The following PDE1C variants were observed in gnomAD, a reference collection of about 807,000 sequenced individuals.
PDE1C encodes dual specificity calcium/calmodulin-dependent 3',5'-cyclic nucleotide phosphodiesterase 1C.
A neutral mutation model predicts 93.1 loss-of-function variants in PDE1C; 62 were observed. That is an observed-to-expected ratio of 0.67 (90% CI 0.54 to 0.82). PDE1C has a LOEUF of 0.82. Ranked by LOEUF, PDE1C falls within the 40% of genes least tolerant of loss-of-function variation. The pLI, the probability that PDE1C is intolerant of heterozygous loss-of-function variation, is 0.00. For synonymous variants in PDE1C, 325 were observed against 310.1 expected (o/e 1.05, Z -0.50); for missense variants, 742 against 884.6 (o/e 0.84, Z 2.04).
At chr7:32,140,710 C>T (rs768117583) in intron 3 of PDE1C, among the ~76,000 whole-genome samples, 6 of 152,276 alleles carry the variant, frequency 3.9e-5, no homozygotes, top group Middle Eastern at 6.8e-3. Context: ...AGACAAAGCA[C>T]ACCTTTTACC....
intron 1 of PDE1C, among the ~76,000 whole-genome samples, chr7:32,218,094 C>T (rs1227098799): frequency 6.6e-6 from 1 of 152,168 alleles, no homozygotes; most frequent in Non-Finnish European, 1.5e-5. Context: ...CCATGAAATC[C>T]AGTCCCTTGT....
intron 3 of PDE1C, among the ~76,000 whole-genome samples, chr7:32,150,978 C>T (rs948483020): frequency 6.6e-6 from 1 of 152,064 alleles, no homozygotes; most frequent in African/African-American, 2.4e-5. Context: ...GACAAAGTCC[C>T]CATTCAAACC....
chr7:31,798,824 G>T (rs1353058935), intron 16 of PDE1C, among the ~76,000 whole-genome samples: 1 of 151,724 alleles, frequency 6.6e-6, no homozygotes, highest in Non-Finnish European at 1.5e-5. Flanking sequence ...AACTACAAGT[G>T]ATAACACGAA....
At chr7:31,969,258 T>A (rs1282388259) in intron 2 of PDE1C, among the ~76,000 whole-genome samples, 2 of 152,020 alleles carry the variant, frequency 1.3e-5, no homozygotes, top group African/African-American at 4.8e-5. Context: ...AAAGGGCTAA[T>A]ATCCAGAATC....
chr7:32,073,511 A>G (rs1796180081), upstream of PDE1C, among the ~76,000 whole-genome samples: 1 of 152,204 alleles, frequency 6.6e-6, no homozygotes, highest in South Asian at 2.1e-4. Context: ...GGAAGTAGTT[A>G]GTTCTCAAGT....
intron 2 of PDE1C, among the ~76,000 whole-genome samples, chr7:31,976,040 A>G (rs1174813996): frequency 6.6e-6 from 1 of 152,256 alleles, no homozygotes; most frequent in African/African-American, 2.4e-5. Flanking sequence ...ATGAGCCATC[A>G]AGAAAATACT....
intron 16 of PDE1C, among the ~76,000 whole-genome samples, chr7:31,791,367 T>C (rs1251685147): frequency 3.4e-4 from 51 of 152,150 alleles, no homozygotes. Flanking sequence ...CCAATCACTT[T>C]ACTCCAATAC....
At position 32,285,073 on chromosome 7, in the gene PDE1C, T is replaced by G. The variant is rs531552624; in HGVS notation, c.85+13578A>C. On this transcript the variant is annotated intron_variant, in intron 1 of 18. Coordinates refer to the PDE1C transcript ENST00000396193. Reference sequence around the variant, plus strand: ...AAAGAAAAAAAGAAAAAAATGCACTTGCCAGGTCCAACCCACAATTATGGA... The same window carrying G: ...AAAGAAAAAAAGAAAAAAATGCACTGGCCAGGTCCAACCCACAATTATGGA... Among the ~76,000 whole-genome samples the G allele has an allele frequency of 2.6e-5, 4 of 152,034 alleles. No individual in the cohort carries two copies. In the South Asian group the frequency reaches 8.3e-4, roughly 32 times the overall value.
intron 1 of PDE1C, among the ~76,000 whole-genome samples, chr7:32,237,731 C>T (rs1337478788): frequency 3.3e-5 from 4 of 121,674 alleles, no homozygotes; most frequent in Admixed American, 3.3e-4. Flanking sequence ...ACTATCCGCA[C>T]TTGGCTCTGT....
chr7:32,148,632 A>C (rs1437762110), intron 3 of PDE1C, among the ~76,000 whole-genome samples: 1 of 152,226 alleles, frequency 6.6e-6, no homozygotes, highest in Non-Finnish European at 1.5e-5. Context: ...GACACTGTCC[A>C]CATGTAACTA....
chr7:31,939,138 T>C (rs1214449261), intron 2 of PDE1C, among the ~76,000 whole-genome samples: 1 of 152,178 alleles, frequency 6.6e-6, no homozygotes, highest in African/African-American at 2.4e-5. Flanking sequence ...TTGGTCTAAT[T>C]TGTATTTTTT....
chr7:32,327,996 G>A (rs1279629808), intron 1 of PDE1C, among the ~76,000 whole-genome samples: 4 of 152,094 alleles, frequency 2.6e-5, no homozygotes, highest in African/African-American at 4.8e-5. Flanking sequence ...TTATGAATAG[G>A]CTGCTATAAA....
chr7:31,633,693 G>T, the PDE1C span, among the ~76,000 whole-genome samples: 4 of 152,286 alleles, frequency 2.6e-5, no homozygotes, highest in South Asian at 2.1e-4. Flanking sequence ...AGGCTAACTT[G>T]CTTGGTGACT....
intron 9 of PDE1C, among the ~76,000 whole-genome samples, chr7:31,846,024 T>C (rs1265996926): frequency 6.6e-6 from 1 of 151,932 alleles, no homozygotes; most frequent in African/African-American, 2.4e-5. Flanking sequence ...GGTTTGAATA[T>C]GGCAGAGAAC....
the PDE1C span, among the ~76,000 whole-genome samples, chr7:31,619,063 GTCT>G: frequency 6.6e-6 from 1 of 152,172 alleles, no homozygotes; most frequent in Admixed American, 6.5e-5. Context: ...ACTGACCTTT[GTCT>G]TCTTTCAATT....
chr7:31,986,284 C>T lies in PDE1C; in HGVS notation c.128+65270G>A, dbSNP rs573246144. On this transcript the variant is annotated intron_variant, in intron 2 of 17. Coordinates refer to ENST00000396191, the MANE Select transcript of PDE1C (RefSeq NM_001191057.4). ...AGCTGTCTGACTCCAATTTCTTCCT[C>T]CTACTTCACATGGCTTTCTTCTCCC... Among the ~76,000 whole-genome samples the T allele has an allele frequency of 9.9e-5, 15 of 152,220 alleles. 1 individual carries two copies. The highest frequency in any genetic ancestry group is 3.3e-4 in the Admixed American group (5 of 15,276).
intron 1 of PDE1C, among the ~76,000 whole-genome samples, chr7:32,416,487 T>G (rs148479954): frequency 1.3e-5 from 2 of 152,242 alleles, no homozygotes; most frequent in African/African-American, 4.8e-5. Context: ...GACATTTTGA[T>G]GGCCATTTCA....
chr7:32,201,047 C>A (rs148315804), intron 2 of PDE1C, among the ~76,000 whole-genome samples: 1 of 152,352 alleles, frequency 6.6e-6, no homozygotes, highest in African/African-American at 2.4e-5. Flanking sequence ...AGCACCACCC[C>A]CATGCAGCAT....
chr7:31,770,975 A>G (rs756325408), intron 17 of PDE1C, among the ~76,000 whole-genome samples: 101 of 152,228 alleles, frequency 6.6e-4, no homozygotes, highest in South Asian at 1.2e-3. Context: ...TAAAATTGCA[A>G]TGACTATATG....
Sources: allele counts gnomAD v4.1 joint callset (sites outside exome capture counted in the v4.1 genomes callset), GRCh38; gene constraint gnomAD v4.1.1; transcripts MANE v1.5; gene names NCBI Gene and HGNC (gene_info 2026-07-23, HGNC 2026-07-21).